Variants in WDFY4 observed in about 807,000 individuals in gnomAD.
WDFY4 encodes WD repeat- and FYVE domain-containing protein 4.
WDFY4 carries 169 observed loss-of-function variants against 351.9 expected under a neutral mutation model. That is an observed-to-expected ratio of 0.48 (90% confidence interval 0.42 to 0.55). The LOEUF is 0.55. Among genes scored for constraint, WDFY4 ranks in the 20% least tolerant of loss-of-function variants. WDFY4 has a pLI of 0.00. For synonymous variants in WDFY4, 1,622 were observed against 1,574.6 expected, an observed-to-expected ratio of 1.03 and a Z score of -0.71; for missense variants, 3,803 against 3,935.6, an observed-to-expected ratio of 0.97 and a Z score of 0.90.
chr10:48,715,303 T>G (rs988276495), intron 2 of WDFY4, among the ~76,000 whole-genome samples: 38 of 152,280 alleles, frequency 2.5e-4, no homozygotes, highest in African/African-American at 8.9e-4. Flanking sequence ...GCTATTATTT[T>G]AAGCCACTGA....
chr10:48,717,822 T>G (rs1364199053), intron 2 of WDFY4, among the ~76,000 whole-genome samples: 1 of 152,242 alleles, frequency 6.6e-6, no homozygotes, highest in Non-Finnish European at 1.5e-5. Context: ...ATTCAGTAAT[T>G]TTTCCCTCAG....
At position 48,811,452 on chromosome 10, in the gene WDFY4, G is replaced by C; in HGVS notation, c.5045-87G>C. On this transcript the variant is annotated intron_variant, in intron 29 of 61. Transcript: ENST00000325239. ...AGCATTTCTATGGGATGGGTGGGTGGCCGGGTGTTCCTTTGTGTGTCCAGG... is the reference window on the plus strand; with the variant it reads ...AGCATTTCTATGGGATGGGTGGGTGCCCGGGTGTTCCTTTGTGTGTCCAGG... 11 of 1,197,702 alleles carry C rather than the reference G, an allele frequency of 9.2e-6. No homozygotes were observed. The South Asian group carries it at 1.6e-4, about 18-fold the overall frequency. The allele number at this position is 1,197,702 out of a possible 1,614,324, so 74.2% of individuals were successfully genotyped here.
In WDFY4 at chr10:48,810,594, C is replaced by T. The variant is rs79979933; in HGVS notation, c.4903C>T (p.Leu1635=). The T allele has an allele frequency of 8.4e-6, 13 of 1,551,596 alleles. No homozygotes were observed. The highest frequency in any genetic ancestry group is 1.7e-4 in the Middle Eastern group (1 of 6,006). ...DWFLLLLQGH[L]HASTTVLALK... Reference sequence around the variant, plus strand: ...GTTCCTGCTGCTCCTGCAGGGCCACCTGCATGCCAGCACCACTGTGCTGGC... The same window carrying T: ...GTTCCTGCTGCTCCTGCAGGGCCACTTGCATGCCAGCACCACTGTGCTGGC... Residue 1635 remains leucine (L), a synonymous_variant, in exon 29 of 62, where the codon CTG becomes TTG. Coordinates refer to ENST00000325239, the MANE Select transcript of WDFY4 (RefSeq NM_001394531.1).
intron 52 of WDFY4, 26 bp downstream of exon 52, chr10:48,957,308 G>A: frequency 6.5e-7 from 1 of 1,544,386 alleles, no homozygotes; most frequent in African/African-American, 1.4e-5. Flanking sequence ...GTGAGGCCGG[G>A]TGAGTGGCGT....
At chr10:48,705,264 A>G (rs1194847668) in intron 1 of WDFY4, among the ~76,000 whole-genome samples, 1 of 152,212 alleles carries the variant, frequency 6.6e-6, no homozygotes, top group Non-Finnish European at 1.5e-5. Context: ...TTTGTTCATC[A>G]TGGATTTCTT....
In WDFY4 at chr10:48,709,819, T is replaced by G; in HGVS notation, c.87T>G (p.Pro29=). The G allele has an allele frequency of 6.4e-7, 1 of 1,551,900 alleles. No individual in the cohort carries two copies. Among genetic ancestry groups the G allele is most frequent in the Non-Finnish European group, 8.7e-7 (1 of 1,147,026 alleles). ...KNEGQLAAVQ[P]DVPHGGQSSS... is the part of the protein sequence containing the mutation. ...AAGGGCAGCTTGCTGCTGTGCAGCCTGATGTCCCACATGGAGGGCAGTCCT... is the reference window on the plus strand; with the variant it reads ...AAGGGCAGCTTGCTGCTGTGCAGCCGGATGTCCCACATGGAGGGCAGTCCT... Residue 29 remains proline, a synonymous_variant, in exon 2 of 62, where the codon CCT becomes CCG. Transcript: ENST00000325239.
intron 37 of WDFY4, among the ~76,000 whole-genome samples, chr10:48,829,511 G>A (rs1299051224): frequency 1.3e-5 from 2 of 152,156 alleles, no homozygotes; most frequent in Non-Finnish European, 2.9e-5. Context: ...CTGCCAGTCT[G>A]GTTTGCAGAC....
chr10:48,820,250 C>T lies in WDFY4; in HGVS notation c.5522C>T (p.Ser1841Phe). The change falls in exon 33 of 62, where the codon TCC becomes TTC. Residue 1841 changes from serine (S) to phenylalanine (F), a missense_variant. Transcript: ENST00000325239. ...LGAQKGVGAE[S>F]TRNTSSPEAA... ...GTCTTTGAGGGGGTTGGGGCTGAGT[C>T]CACCCGGAACACCAGCAGTCCTGAG... 3.2e-6 allele frequency: 5 copies of T among 1,551,640 alleles called. No individual in the cohort carries two copies. Among genetic ancestry groups the T allele is most frequent in the Non-Finnish European group, 4.4e-6 (5 of 1,146,982 alleles).
rs371532162 is a variant in WDFY4 at position 48,930,561 on chromosome 10, G to A, written c.7587-11245G>A. ...ACGAGATGAAGCAAGGAAACGGCTGGTACTCTGGGAAGAGGTGGGACTAGG... is the reference window on the plus strand; with the variant it reads ...ACGAGATGAAGCAAGGAAACGGCTGATACTCTGGGAAGAGGTGGGACTAGG... On this transcript the variant is annotated intron_variant, in intron 47 of 61. Transcript: ENST00000325239. Among the ~76,000 whole-genome samples, 5 of 152,206 alleles carry A rather than the reference G, an allele frequency of 3.3e-5. No homozygotes were observed. The East Asian group carries it at 7.7e-4, about 23-fold the overall frequency.
At chr10:48,737,413 C>G (rs933816270) in intron 11 of WDFY4, among the ~76,000 whole-genome samples, 1 of 152,188 alleles carries the variant, frequency 6.6e-6, no homozygotes, top group Non-Finnish European at 1.5e-5. Context: ...ATCAACCTAA[C>G]TTACTTAAGC....
intron 51 of WDFY4, among the ~76,000 whole-genome samples, 172 bp downstream of exon 51, chr10:48,947,141 C>T (rs534048275): frequency 1.3e-5 from 2 of 152,152 alleles, no homozygotes; most frequent in Non-Finnish European, 2.9e-5. Context: ...GGCTCACCAG[C>T]CAAGGCAGGC....
intron 46 of WDFY4, 83 bp downstream of exon 46, chr10:48,900,389 A>C: frequency 7.5e-7 from 1 of 1,327,016 alleles, no homozygotes; most frequent in African/African-American, 1.5e-5. Context: ...CTCTGTGCTC[A>C]GGAAAAGTGT....
At position 48,943,341 on chromosome 10, in the gene WDFY4, C is replaced by G. The variant is rs1400310528; in HGVS notation, c.7641C>G (p.Ile2547Met). The change falls in exon 49 of 62, where the codon ATC becomes ATG. Residue 2547 changes from isoleucine (I) to methionine (M), a missense_variant. By Grantham distance (10) the Ile-to-Met change is conservative. This residue lies in a region of WDFY4 where 3,054 missense variants were observed against 3,148.6 expected (regional missense o/e 0.97). Coordinates refer to ENST00000325239, the MANE Select transcript of WDFY4 (RefSeq NM_001394531.1). ...IMLQKWQKRD[I>M]SNFEYLMYLN... ...GTCTCTTCTGGTAGAAAAGGGACAT[C>G]AGCAATTTTGAGTATCTCATGTACC... 6.4e-6 allele frequency: 10 copies of G among 1,551,548 alleles called. No homozygotes were observed. In the East Asian group the frequency reaches 2.4e-4, roughly 38 times the overall value.
intron 1 of WDFY4, among the ~76,000 whole-genome samples, chr10:48,691,498 A>G (rs918474783): frequency 6.6e-6 from 1 of 152,048 alleles, no homozygotes; most frequent in Non-Finnish European, 1.5e-5. Context: ...GCCTGGCTCC[A>G]TCATGGCAGC....
rs1176706031 is a variant in WDFY4, at chr10:48,778,076, A to T, written c.3176-535A>T. On this transcript the variant is annotated intron_variant, in intron 17 of 61. Transcript: ENST00000325239. ...CTTAGCTGAAAACACGCTGGGTGGG[A>T]CAGTGCAAGTGCCTGATGCTGCCTG... Among the ~76,000 whole-genome samples the T allele has an allele frequency of 2.0e-5, 3 of 152,216 alleles. 1 individual carries two copies. In the East Asian group the frequency reaches 5.8e-4, roughly 29 times the overall value.
At chr10:48,825,780 C>T (rs1378390034) in intron 35 of WDFY4, among the ~76,000 whole-genome samples, 1 of 151,606 alleles carries the variant, frequency 6.6e-6, no homozygotes, top group Admixed American at 6.6e-5. Flanking sequence ...CTGTTCATGT[C>T]CTTTGCTCAT....
intron 12 of WDFY4, among the ~76,000 whole-genome samples, chr10:48,758,824 T>A (rs2065411516): frequency 6.6e-6 from 1 of 152,228 alleles, no homozygotes; most frequent in Non-Finnish European, 1.5e-5. Flanking sequence ...CTTCTTGGAA[T>A]TGGGTTAATA....
At chr10:48,846,840 C>T (rs973299776) in intron 39 of WDFY4, among the ~76,000 whole-genome samples, 34 of 152,302 alleles carry the variant, frequency 2.2e-4, no homozygotes, top group African/African-American at 6.7e-4. Flanking sequence ...GTGCTGCCAA[C>T]GGCTCTACTC....
chr10:48,932,229 T>G lies in WDFY4; in HGVS notation c.7587-9577T>G, dbSNP rs934773268. ...TCTGGCTTCTACCACCAGTGGCGGG[T>G]GCTGGTGGGGAATGCTGGTGGAGTC... is the stretch of plus-strand genomic sequence containing the variant. On this transcript the variant is annotated intron_variant, in intron 47 of 61. Coordinates refer to ENST00000325239, the MANE Select transcript of WDFY4 (RefSeq NM_001394531.1). Among the ~76,000 whole-genome samples the G allele has an allele frequency of 2.7e-4, 41 of 151,774 alleles. No homozygotes were observed. In the East Asian group the frequency reaches 6.8e-3, roughly 25 times the overall value.
Sources: gnomAD v4.1 joint callset for allele counts (sites outside exome capture counted in the v4.1 genomes callset) on GRCh38, gnomAD v4.1.1 for gene constraint, gnomAD v4.1.1 regional missense constraint, MANE v1.5 for transcripts, NCBI Gene and HGNC (gene_info 2026-07-23, HGNC 2026-07-21) for gene names.